The following CFAP77 variants were observed in gnomAD, a reference collection of about 807,000 sequenced individuals.
CFAP77 encodes cilia- and flagella-associated protein 77.
A neutral mutation model predicts 31.1 loss-of-function variants in CFAP77; 25 were observed. That is an observed-to-expected ratio of 0.80 (90% CI 0.59 to 1.12). The LOEUF (loss-of-function observed/expected upper bound fraction) is 1.12, where lower values mean the gene tolerates loss of function less well. Among genes scored for constraint, CFAP77 ranks in the 50% most tolerant of loss-of-function variants. CFAP77 has a pLI of 0.00. For missense variants in CFAP77, 377 were observed against 397.3 expected, an observed-to-expected ratio of 0.95 and a Z score of 0.44; for synonymous variants, 151 against 159.9, an observed-to-expected ratio of 0.94 and a Z score of 0.42.
intron 1 of CFAP77, chr9:132,482,484 G>A (rs2118908557): frequency 1.6e-6 from 2 of 1,242,926 alleles, no homozygotes; most frequent in East Asian, 4.7e-5. Flanking sequence ...GCCCCTCCCG[G>A]CTTCCGCACA....
intron 1 of CFAP77, among the ~76,000 whole-genome samples, chr9:132,473,358 C>T (rs552322857): frequency 1.3e-5 from 2 of 152,300 alleles, no homozygotes; most frequent in South Asian, 4.1e-4. Context: ...GCGCCAGACA[C>T]ACCCTCAGAG....
chr9:132,429,503 A>C (rs189089385), intron 1 of CFAP77, among the ~76,000 whole-genome samples: 6 of 135,138 alleles, frequency 4.4e-5, no homozygotes, highest in Non-Finnish European at 7.6e-5. Flanking sequence ...GCACCACCGC[A>C]CTCTAGCCCA....
chr9:132,523,295 G>A (rs1321568731), intron 3 of CFAP77, among the ~76,000 whole-genome samples: 1 of 152,018 alleles, frequency 6.6e-6, no homozygotes, highest in African/African-American at 2.4e-5. Context: ...CGCCACATTG[G>A]CCAGGCTGGT....
At chr9:132,431,569 T>C (rs982087668) in intron 1 of CFAP77, among the ~76,000 whole-genome samples, 2 of 152,020 alleles carry the variant, frequency 1.3e-5, no homozygotes, top group Non-Finnish European at 2.9e-5. Context: ...GAAGTGAAAA[T>C]ACAATGTCTG....
rs1249144835 is a variant in CFAP77, at chr9:132,481,754, C to G, written c.196-16941C>G. ...TTATTAACAGGCTTCGTTTTAGGGA[C>G]GCCTCCTCCGCCTCAGCTATCTGCT... On this transcript the variant is annotated intron_variant, in intron 1 of 5. Transcript: ENST00000393216. The surrounding 1 kb of genome is among the most constrained non-coding windows in gnomAD (Gnocchi z 5.0). Among the ~76,000 whole-genome samples, 1 of 152,196 alleles carries G rather than the reference C, an allele frequency of 6.6e-6. No homozygotes were observed. Among genetic ancestry groups the G allele is most frequent in the Non-Finnish European group, 1.5e-5 (1 of 68,042 alleles).
intron 3 of CFAP77, among the ~76,000 whole-genome samples, chr9:132,514,810 G>A (rs1398205696): frequency 6.6e-6 from 1 of 152,202 alleles, no homozygotes; most frequent in African/African-American, 2.4e-5. Flanking sequence ...AGTTCTAAGA[G>A]TCCTGCTAGG....
At chr9:132,451,661 C>G (rs558612834) in intron 1 of CFAP77, among the ~76,000 whole-genome samples, 9 of 152,144 alleles carry the variant, frequency 5.9e-5, no homozygotes, top group African/African-American at 1.2e-4. Context: ...TGATCCCCAC[C>G]ACGCCCCCTA....
intron 1 of CFAP77, among the ~76,000 whole-genome samples, chr9:132,476,765 G>A (rs754644855): frequency 2.6e-5 from 4 of 152,128 alleles, no homozygotes; most frequent in Non-Finnish European, 5.9e-5. Context: ...AAGGAGCACC[G>A]CAGACTGCCA....
chr9:132,510,890 C>T (rs1852024908), intron 3 of CFAP77, among the ~76,000 whole-genome samples: 1 of 152,150 alleles, frequency 6.6e-6, no homozygotes, highest in Admixed American at 6.5e-5. Context: ...CCCAGACGGG[C>T]CCTAAGGTAG....
chr9:132,571,006 C>T (rs1460832034), intron 5 of CFAP77, among the ~76,000 whole-genome samples: 2 of 152,130 alleles, frequency 1.3e-5, no homozygotes, highest in Non-Finnish European at 2.9e-5. Context: ...CTACAAGCCC[C>T]TCCTTATCTT....
At chr9:132,444,871 C>T (rs1338565809) in intron 1 of CFAP77, among the ~76,000 whole-genome samples, 1 of 152,092 alleles carries the variant, frequency 6.6e-6, no homozygotes, top group Non-Finnish European at 1.5e-5. Flanking sequence ...CATCCAGCTC[C>T]AGAACTCTTT....
intron 5 of CFAP77, among the ~76,000 whole-genome samples, chr9:132,546,249 G>A (rs1852726191): frequency 6.6e-6 from 1 of 152,216 alleles, no homozygotes; most frequent in Non-Finnish European, 1.5e-5. Flanking sequence ...AACTGGGCCT[G>A]GACTCAGGGG....
At chr9:132,486,239 C>G (rs991776023) in intron 1 of CFAP77, among the ~76,000 whole-genome samples, 1 of 149,296 alleles carries the variant, frequency 6.7e-6, no homozygotes, top group South Asian at 2.1e-4. Flanking sequence ...ACTATAGGCA[C>G]CCGCCACCCC....
intron 3 of CFAP77, among the ~76,000 whole-genome samples, chr9:132,529,758 A>G (rs564134841): frequency 1.3e-3 from 198 of 151,360 alleles, no homozygotes; most frequent in Non-Finnish European, 2.2e-3. Context: ...CCCGGGAGGC[A>G]GAGGTTGCAG....
chr9:132,538,395 G>A (rs1417992444), intron 4 of CFAP77, among the ~76,000 whole-genome samples: 2 of 152,208 alleles, frequency 1.3e-5, no homozygotes, highest in Non-Finnish European at 2.9e-5. Flanking sequence ...GCTGGTGATA[G>A]GAGTCCCTAG....
intron 1 of CFAP77, chr9:132,482,161 T>G: frequency 1.5e-5 from 9 of 582,536 alleles, no homozygotes; most frequent in Admixed American, 6.7e-5. Context: ...ATTCTCTGCT[T>G]TTTCCTTTTC....
chr9:132,465,919 A>C (rs1851144735), intron 1 of CFAP77, among the ~76,000 whole-genome samples: 1 of 152,170 alleles, frequency 6.6e-6, no homozygotes, highest in South Asian at 2.1e-4. Flanking sequence ...GCAGTGATGA[A>C]CTGACAGGAG....
intron 3 of CFAP77, among the ~76,000 whole-genome samples, chr9:132,530,712 A>G (rs992551781): frequency 6.6e-6 from 1 of 152,120 alleles, no homozygotes; most frequent in Non-Finnish European, 1.5e-5. Flanking sequence ...CTCCCTGTCT[A>G]TAGCTTGCCT....
intron 1 of CFAP77, among the ~76,000 whole-genome samples, chr9:132,415,177 C>T (rs1589836238): frequency 6.6e-6 from 1 of 152,184 alleles, no homozygotes; most frequent in East Asian, 1.9e-4. Context: ...GCTGCCCATC[C>T]TAATGGCCCC....
Sources: allele counts gnomAD v4.1 joint callset (sites outside exome capture counted in the v4.1 genomes callset), GRCh38; gene constraint gnomAD v4.1.1; non-coding constraint Gnocchi (gnomAD v3.1); transcripts MANE v1.5; gene names NCBI Gene and HGNC (gene_info 2026-07-23, HGNC 2026-07-21).